The following RYR3 variants were observed in gnomAD, a reference collection of about 807,000 sequenced individuals.
RYR3 encodes the protein brain ryanodine receptor-calcium release channel.
RYR3 carries 207 observed loss-of-function variants against 584.3 expected under a neutral mutation model. The observed-to-expected ratio is 0.35, with a 90% CI of 0.32 to 0.40. The LOEUF is 0.40. RYR3 is among the 10% of genes least tolerant of loss of function. The pLI is 1.00. For synonymous variants in RYR3, 2,416 were observed against 2,248.5 expected, an observed-to-expected ratio of 1.07 and a Z score of -2.11; for missense variants, 5,616 against 6,089.2, an observed-to-expected ratio of 0.92 and a Z score of 2.59.
chr15:33,544,796 TA>T (rs1368778208), intron 8 of RYR3, among the ~76,000 whole-genome samples: 4 of 152,174 alleles, frequency 2.6e-5, no homozygotes, highest in Admixed American at 2.6e-4. Flanking sequence ...CTAGGACACA[TA>T]AAGCACAGAC....
chr15:33,722,143 C>G (rs1384161248), intron 43 of RYR3, among the ~76,000 whole-genome samples: 1 of 152,106 alleles, frequency 6.6e-6, no homozygotes, highest in Non-Finnish European at 1.5e-5. Flanking sequence ...TGTCACTTCC[C>G]CAAACGTTAA....
Position 33,859,633 on chromosome 15 carries a change from T to C in RYR3, c.14201T>C (p.Ile4734Thr). ...GCAGGAGGTGGCATTGGTGATGAAA[T>C]TGAAGACCCTGCTGGTGATCCTTAT... ...VRAGGGIGDEIEDPAGDPYEM... is the reference protein window; with the variant it reads ...VRAGGGIGDETEDPAGDPYEM... Residue 4734 changes from isoleucine to threonine, a missense_variant, in exon 100 of 104, where the codon ATT (isoleucine) becomes ACT (threonine). This residue lies in a region of RYR3 where 918 missense variants were observed against 887.4 expected (regional missense o/e 1.03). Transcript: ENST00000634891. The C allele has an allele frequency of 6.2e-7, 1 of 1,614,062 alleles. No homozygotes were observed. Among genetic ancestry groups the C allele is most frequent in the South Asian group, 1.1e-5 (1 of 91,074 alleles).
At chr15:33,527,575 C>T (rs980159601) in intron 3 of RYR3, among the ~76,000 whole-genome samples, 77 of 133,278 alleles carry the variant, frequency 5.8e-4, no homozygotes, top group African/African-American at 1.9e-3. Context: ...CAGAGGGACA[C>T]AACTCTGTCT....
At chr15:33,840,723 C>A in intron 89 of RYR3, 102 bp from the exon 90 acceptor site, 1 of 956,114 alleles carries the variant, frequency 1.0e-6, no homozygotes, top group Non-Finnish European at 1.7e-6. Flanking sequence ...ACATGAAAAG[C>A]CATTGAAATT....
At chr15:33,818,480 C>T (rs2152955143) in intron 75 of RYR3, 98 bp from the exon 76 acceptor site, 2 of 826,050 alleles carry the variant, frequency 2.4e-6, no homozygotes, top group Non-Finnish European at 2.0e-6. Flanking sequence ...GTCTGATGCA[C>T]TCTGTGCCTT....
At chr15:33,788,864 G>T (rs949360069) in intron 67 of RYR3, among the ~76,000 whole-genome samples, 1 of 152,226 alleles carries the variant, frequency 6.6e-6, no homozygotes, top group African/African-American at 2.4e-5. Context: ...CTCTGGCCTA[G>T]GGAGATTTCT....
In RYR3 at chr15:33,728,846, G is replaced by A. The variant is rs373382747; in HGVS notation, c.7034-11G>A. ...GGAAAAGGGAAATTACATTTTCTAT[G>A]TGTCTTTCAGATGGGTCGGTCAGTG... On this transcript the variant is annotated splice_polypyrimidine_tract_variant and intron_variant, in intron 46 of 103. Coordinates refer to ENST00000634891, the MANE Select transcript of RYR3 (RefSeq NM_001036.6). 2 of 1,606,866 alleles carry A rather than the reference G, an allele frequency of 1.2e-6. No individual in the cohort carries two copies. Among genetic ancestry groups the A allele is most frequent in the Admixed American group, 1.7e-5 (1 of 58,514 alleles).
In RYR3 at chr15:33,607,518, G is replaced by T. The variant is rs76450823; in HGVS notation, c.2164+4154G>T. Among the ~76,000 whole-genome samples the T allele has an allele frequency of 7.7e-3, 1,177 of 152,212 alleles. 11 individuals are homozygous for T. The highest frequency in any genetic ancestry group is 0.011 in the Non-Finnish European group (744 of 68,010). On this transcript the variant is annotated intron_variant, in intron 18 of 103. Coordinates refer to ENST00000634891, the MANE Select transcript of RYR3 (RefSeq NM_001036.6). ...AATATCATAAAAAGCACTTGAGGCT[G>T]CTCTTAGAAAAGCTCTCTGAAACAA...
chr15:33,692,134 A>C (rs1441580200), intron 38 of RYR3, among the ~76,000 whole-genome samples: 1 of 152,192 alleles, frequency 6.6e-6, no homozygotes, highest in Non-Finnish European at 1.5e-5. Flanking sequence ...TCAGATATAC[A>C]GGTATATGGA....
intron 19 of RYR3, among the ~76,000 whole-genome samples, chr15:33,623,044 C>T (rs1413941646): frequency 1.3e-5 from 2 of 152,162 alleles, no homozygotes; most frequent in African/African-American, 4.8e-5. Context: ...CTTTAGTGTC[C>T]TTCCCCACTT....
intron 1 of RYR3, among the ~76,000 whole-genome samples, chr15:33,322,762 G>C (rs988227644): frequency 6.6e-6 from 1 of 151,652 alleles, no homozygotes; most frequent in African/African-American, 2.4e-5. Context: ...TCTTATTGTC[G>C]ATCTTAAAGT....
Position 33,837,623 on chromosome 15 carries a change from C to T in RYR3, c.11651-8C>T. 6.4e-7 allele frequency: 1 copy of T among 1,567,770 alleles called. No individual in the cohort carries two copies. The highest frequency in any genetic ancestry group is 1.2e-5 in the South Asian group (1 of 83,156). On this transcript the variant is annotated splice_polypyrimidine_tract_variant and splice_region_variant and intron_variant, in intron 88 of 103. Coordinates refer to ENST00000634891, the MANE Select transcript of RYR3 (RefSeq NM_001036.6). ...ATATTTGTATGTCTTTTTGAACCTG[C>T]CTCACAGGGAATGTGGTAAATGGCA...
intron 1 of RYR3, among the ~76,000 whole-genome samples, chr15:33,419,525 T>C (rs1368077353): frequency 6.6e-6 from 1 of 152,220 alleles, no homozygotes; most frequent in Admixed American, 6.5e-5. Context: ...TTTTAATCTG[T>C]ATGCTTTCAT....
In RYR3 at chr15:33,728,158, T is replaced by C. The variant is rs138766441; in HGVS notation, c.7034-699T>C. On this transcript the variant is annotated intron_variant, in intron 46 of 103. Coordinates refer to ENST00000634891, the MANE Select transcript of RYR3 (RefSeq NM_001036.6). ...GGTTTCAAATCAACAAAGCAATAAA[T>C]CGAGCCCTGATTCCTAGCATTTGCC... 4.5e-3 allele frequency among the ~76,000 whole-genome samples: 679 copies of C among 152,338 alleles called. 6 individuals carry two copies. Among genetic ancestry groups the C allele is most frequent in the Middle Eastern group, 0.014 (4 of 294 alleles).
chr15:33,481,526 G>A (rs946148839), intron 2 of RYR3, among the ~76,000 whole-genome samples: 2 of 151,918 alleles, frequency 1.3e-5, no homozygotes. Context: ...TGTCACCCAG[G>A]CTGGAGTGCA....
chr15:33,449,728 C>T (rs542777332), intron 1 of RYR3, among the ~76,000 whole-genome samples: 5 of 152,176 alleles, frequency 3.3e-5, no homozygotes, highest in South Asian at 2.1e-4. Context: ...TTTGCAATAA[C>T]GTCAAGAGAA....
chr15:33,427,196 G>C (rs1165029778), intron 1 of RYR3, among the ~76,000 whole-genome samples: 1 of 152,162 alleles, frequency 6.6e-6, no homozygotes, highest in East Asian at 1.9e-4. Flanking sequence ...GGGTATGTGA[G>C]TCTGTGGGTA....
At chr15:33,854,665 C>A in intron 97 of RYR3, 101 bp from the exon 98 acceptor site, 1 of 1,447,190 alleles carries the variant, frequency 6.9e-7, no homozygotes, top group Non-Finnish European at 9.4e-7. Context: ...CACCTAAACC[C>A]CCTCTATCCT....
At chr15:33,330,061 G>A (rs1970194607) in intron 1 of RYR3, among the ~76,000 whole-genome samples, 3 of 152,162 alleles carry the variant, frequency 2.0e-5, no homozygotes, top group South Asian at 4.1e-4. Context: ...TCTGGGCCAA[G>A]AACAGTCATA....
Sources: allele counts gnomAD v4.1 joint callset (sites outside exome capture counted in the v4.1 genomes callset), GRCh38; gene constraint gnomAD v4.1.1; regional missense constraint gnomAD v4.1.1; transcripts MANE v1.5; gene names NCBI Gene and HGNC (gene_info 2026-07-23, HGNC 2026-07-21).